Variants in BAHD1 observed in about 807,000 individuals in gnomAD.
BAHD1 encodes bromo adjacent homology domain containing 1, also known as bromo adjacent homology domain-containing 1 protein.
A neutral mutation model predicts 63.1 loss-of-function variants in BAHD1; 20 were observed. The observed-to-expected ratio is 0.32, with a 90% CI of 0.22 to 0.46. The LOEUF is 0.46. Ranked by LOEUF, BAHD1 falls within the 20% of genes least tolerant of loss-of-function variation. The pLI is 1.00. For missense variants in BAHD1, 939 were observed against 1,071.8 expected, an observed-to-expected ratio of 0.88 and a Z score of 1.73; for synonymous variants, 408 against 426.8, an observed-to-expected ratio of 0.96 and a Z score of 0.54.
intron 1 of BAHD1, among the ~76,000 whole-genome samples, chr15:40,456,371 T>G (rs1400668851): frequency 6.6e-6 from 1 of 152,152 alleles, no homozygotes; most frequent in Non-Finnish European, 1.5e-5. Flanking sequence ...GCCTGGGATT[T>G]TTTAGGAGCT....
intron 1 of BAHD1, among the ~76,000 whole-genome samples, chr15:40,446,808 C>G (rs1893552712): frequency 6.6e-6 from 1 of 152,162 alleles, no homozygotes. Context: ...AGGATGGGAC[C>G]TGTCTTTCTG....
intron 1 of BAHD1, chr15:40,443,304 G>A: frequency 1.0e-6 from 1 of 985,428 alleles, no homozygotes. Flanking sequence ...CAGCCTGGAT[G>A]GAGCTGAGGC....
rs1310134421 is a variant in BAHD1 at position 40,462,282 on chromosome 15, T to C, written c.1803T>C (p.Ala601=). 4 of 1,605,724 alleles carry C rather than the reference T, an allele frequency of 2.5e-6. No individual in the cohort carries two copies. The highest frequency in any genetic ancestry group is 2.7e-5 in the African/African-American group (2 of 74,726). The part of the protein sequence containing the change: ...WVPVGAACEK[A]VYVLDEPEPA... ...CTGTTGGGGCTGCGTGTGAGAAGGC[T>C]GTGTATGTCTTGGTAAGTGCTAGCT... The change falls in exon 3 of 7, where the codon GCT becomes GCC. Residue 601 remains alanine (A), a synonymous_variant. Coordinates refer to ENST00000416165, the MANE Select transcript of BAHD1 (RefSeq NM_014952.5).
Position 40,459,669 on chromosome 15 carries a change from G to A in BAHD1, c.1205G>A (p.Gly402Asp). 1 of 1,614,086 alleles carries A rather than the reference G, an allele frequency of 6.2e-7. No individual in the cohort carries two copies. The stretch of plus-strand genomic sequence containing the variant: ...TCGCCCTGCCCCATGCTTCCTGAGG[G>A]CAAGCTGTCCCCAGTGGCTGCACCT... ...GYSPCPMLPE[G>D]KLSPVAAPHE... Residue 402 changes from glycine (G) to aspartate (D), a missense_variant, in exon 2 of 7, where the codon GGC becomes GAC. Physicochemically the swap from Gly to Asp is moderately conservative, Grantham distance 94. Around this residue, in one of 5 missense-constraint regions of BAHD1, gnomAD observed 797 missense variants for 813.3 expected, o/e 0.98. Coordinates refer to ENST00000416165, the MANE Select transcript of BAHD1 (RefSeq NM_014952.5).
At chr15:40,464,748 A>C (rs1894151905) in intron 5 of BAHD1, among the ~76,000 whole-genome samples, 1 of 152,240 alleles carries the variant, frequency 6.6e-6, no homozygotes. Flanking sequence ...TTCAAAGGGA[A>C]TAATAACCTT....
At position 40,466,974 on chromosome 15, in the gene BAHD1, T is replaced by C. The variant is rs1595866689; in HGVS notation, c.*844T>C. 6.6e-6 allele frequency: 1 copy of C among 152,454 alleles called. No homozygotes were observed. The highest frequency in any genetic ancestry group is 1.5e-5 in the Non-Finnish European group (1 of 68,056). The allele number at this position is 152,454 out of a possible 1,614,324, so 9.4% of individuals were successfully genotyped here. A position where few individuals can be genotyped will look rare whatever the true frequency, so the allele number is the denominator to read the frequency against. On this transcript the variant is annotated 3_prime_UTR_variant, in exon 7 of 7. Coordinates refer to ENST00000416165, the MANE Select transcript of BAHD1 (RefSeq NM_014952.5). ...AAGATTTTTCCTCTTGCCTTACACATGGAGGTTCCAGGAAACCTCTTGCAG... is the reference window on the plus strand; with the variant it reads ...AAGATTTTTCCTCTTGCCTTACACACGGAGGTTCCAGGAAACCTCTTGCAG...
chr15:40,461,155 TA>T (rs2141535914), intron 2 of BAHD1, among the ~76,000 whole-genome samples: 1 of 152,232 alleles, frequency 6.6e-6, no homozygotes, highest in South Asian at 2.1e-4. Context: ...TTCTTAACTA[TA>T]AAATGGGTGT....
chr15:40,461,927 T>C lies in BAHD1; in HGVS notation c.1448T>C (p.Leu483Pro). 6.2e-7 allele frequency: 1 copy of C among 1,602,452 alleles called. No individual in the cohort carries two copies. Among genetic ancestry groups the C allele is most frequent in the Non-Finnish European group, 8.5e-7 (1 of 1,172,184 alleles). ...CCTTTCCTAGAAGGCTGCAGATCCC[T>C]GGGCCAGTTGGAATTTCCTCTCCCG... ...MPFAAEGCRS[L>P]GQLEFPLPEA... The change falls in exon 3 of 7, where the codon CTG becomes CCG. Residue 483 changes from leucine to proline, a missense_variant. Physicochemically the swap from Leu to Pro is moderately conservative, Grantham distance 98 (BLOSUM62 -3). This residue lies in a region of BAHD1 where 797 missense variants were observed against 813.3 expected (regional missense o/e 0.98). Transcript: ENST00000416165.
intron 1 of BAHD1, among the ~76,000 whole-genome samples, chr15:40,449,814 C>CAAAAA (rs1053414532): frequency 1.8e-5 from 1 of 55,128 alleles, no homozygotes. Context: ...GACCCTGTCT[C>CAAAAA]AAAAAAAAAA....
intron 1 of BAHD1, among the ~76,000 whole-genome samples, chr15:40,445,866 T>A (rs1036430106): frequency 6.6e-6 from 1 of 152,140 alleles, no homozygotes; most frequent in Non-Finnish European, 1.5e-5. Flanking sequence ...ACAAGGAGAG[T>A]GTGCTTCGGT....
chr15:40,438,265 A>G (rs1219226319), upstream of BAHD1, among the ~76,000 whole-genome samples: 1 of 152,192 alleles, frequency 6.6e-6, no homozygotes, highest in Non-Finnish European at 1.5e-5. Flanking sequence ...CTGGGAAAGA[A>G]GGAGGCCCAG....
At chr15:40,449,749 C>T (rs910596476) in intron 1 of BAHD1, among the ~76,000 whole-genome samples, 1 of 147,820 alleles carries the variant, frequency 6.8e-6, no homozygotes, top group Admixed American at 6.9e-5. Context: ...TTCGAGGCTA[C>T]AGTGAGCTAT....
chr15:40,455,036 T>C (rs879575851), intron 1 of BAHD1, among the ~76,000 whole-genome samples: 10 of 152,082 alleles, frequency 6.6e-5, no homozygotes, highest in Non-Finnish European at 1.3e-4. Flanking sequence ...TCACACATGC[T>C]CTCCCCAGAA....
chr15:40,438,248 C>T (rs1274036084), upstream of BAHD1, among the ~76,000 whole-genome samples: 1 of 152,132 alleles, frequency 6.6e-6, no homozygotes, highest in Non-Finnish European at 1.5e-5. Context: ...TGTGGAAGGG[C>T]TTTGGACTGG....
At chr15:40,450,194 T>C (rs534414999) in intron 1 of BAHD1, among the ~76,000 whole-genome samples, 2 of 152,244 alleles carry the variant, frequency 1.3e-5, no homozygotes, top group Admixed American at 1.3e-4. Flanking sequence ...GTGAGTGATA[T>C]TTGGGTAGGG....
chr15:40,450,330 G>C (rs1214974509), intron 1 of BAHD1, among the ~76,000 whole-genome samples: 2 of 152,148 alleles, frequency 1.3e-5, no homozygotes, highest in Non-Finnish European at 2.9e-5. Context: ...CTGCTGAGGA[G>C]GCTGGAGGCA....
intron 1 of BAHD1, among the ~76,000 whole-genome samples, chr15:40,454,918 G>C (rs941833368): frequency 4.6e-5 from 7 of 152,176 alleles, no homozygotes; most frequent in Non-Finnish European, 7.4e-5. Flanking sequence ...GCCATCCCTT[G>C]TGGTTTGGAG....
intron 1 of BAHD1, among the ~76,000 whole-genome samples, chr15:40,445,883 G>A (rs997091951): frequency 6.6e-6 from 1 of 152,190 alleles, no homozygotes; most frequent in Non-Finnish European, 1.5e-5. Flanking sequence ...CGGTTCTGAG[G>A]GCAGCCCCAG....
chr15:40,450,828 G>A (rs1039223098), intron 1 of BAHD1, among the ~76,000 whole-genome samples: 3 of 152,114 alleles, frequency 2.0e-5, no homozygotes, highest in African/African-American at 7.2e-5. Context: ...AGTTGCATTT[G>A]TTTCCTGCTT....
Sources: gnomAD v4.1 joint callset for allele counts (sites outside exome capture counted in the v4.1 genomes callset) on GRCh38, gnomAD v4.1.1 for gene constraint, gnomAD v4.1.1 regional missense constraint, MANE v1.5 for transcripts, NCBI Gene and HGNC (gene_info 2026-07-23, HGNC 2026-07-21) for gene names.